TOGARAM2: variants seen among roughly 807,000 people sequenced by gnomAD.
TOGARAM2 encodes the protein TOG array regulator of axonemal microtubules protein 2.
A neutral mutation model predicts 93.3 loss-of-function variants in TOGARAM2; 85 were observed. The ratio of observed to expected loss-of-function variants is 0.91; its 90% confidence interval spans 0.76 to 1.09. The LOEUF (loss-of-function observed/expected upper bound fraction) is 1.09, where lower values mean the gene tolerates loss of function less well. Among genes scored for constraint, TOGARAM2 ranks in the 50% least tolerant of loss-of-function variants. TOGARAM2 has a pLI of 0.00. For missense variants in TOGARAM2, 1,277 were observed against 1,334.5 expected, an observed-to-expected ratio of 0.96 and a Z score of 0.67; for synonymous variants, 593 against 552.8, an observed-to-expected ratio of 1.07 and a Z score of -1.02.
intron 17 of TOGARAM2, 90 bp from the exon 18 acceptor site, chr2:29,036,451 T>G: frequency 7.3e-6 from 9 of 1,236,710 alleles, no homozygotes; most frequent in Non-Finnish European, 1.1e-5. Context: ...GGTCGCTCAG[T>G]TGGGCCAGGT....
At chr2:29,016,047 G>T (rs1351665545) in intron 8 of TOGARAM2, among the ~76,000 whole-genome samples, 1 of 152,094 alleles carries the variant, frequency 6.6e-6, no homozygotes, top group Non-Finnish European at 1.5e-5. Flanking sequence ...CTGCTTAAGT[G>T]CCTAATTATA....
chr2:29,032,941 G>A lies in TOGARAM2; in HGVS notation c.2020G>A (p.Gly674Ser). ...CTCTCTCTCCTGTGGCAGATTTTAT[G>A]GCCGGAAGATGGTGAATATCTTGAT... The part of the protein sequence containing the change: ...QDSNQDTRFY[G>S]RKMVNILMAN... The change falls in exon 15 of 20, where the codon GGC (glycine) becomes AGC (serine). Residue 674 changes from glycine to serine, a missense_variant. Coordinates refer to ENST00000379558, the MANE Select transcript of TOGARAM2 (RefSeq NM_199280.4). 6.2e-7 allele frequency: 1 copy of A among 1,613,364 alleles called. No individual in the cohort carries two copies. The highest frequency in any genetic ancestry group is 8.5e-7 in the Non-Finnish European group (1 of 1,179,622).
chr2:28,994,220 G>T (rs1331695857), intron 1 of TOGARAM2, among the ~76,000 whole-genome samples: 2 of 152,144 alleles, frequency 1.3e-5, no homozygotes, highest in Non-Finnish European at 1.5e-5. Context: ...GTTCAGTCAG[G>T]TGAGAAGGAG....
chr2:29,031,363 C>G (rs1558455914), intron 14 of TOGARAM2, among the ~76,000 whole-genome samples: 1 of 152,226 alleles, frequency 6.6e-6, no homozygotes, highest in Non-Finnish European at 1.5e-5. Flanking sequence ...TCTGCACCTT[C>G]ACAAACTTAG....
At chr2:28,969,059 T>C (rs1671909530) in intron 1 of TOGARAM2, among the ~76,000 whole-genome samples, 2 of 152,096 alleles carry the variant, frequency 1.3e-5, no homozygotes, top group African/African-American at 4.8e-5. Flanking sequence ...TATTTCTCTT[T>C]GGTCTCACCA....
At chr2:29,022,403 C>A in intron 11 of TOGARAM2, 95 bp downstream of exon 11, 1 of 1,517,912 alleles carries the variant, frequency 6.6e-7, no homozygotes, top group Non-Finnish European at 8.9e-7. Flanking sequence ...CTCTCCCACT[C>A]TGGGGTTCCA....
chr2:29,028,412 ATG>A (rs1220404121), intron 14 of TOGARAM2, among the ~76,000 whole-genome samples: 2 of 152,258 alleles, frequency 1.3e-5, no homozygotes, highest in East Asian at 1.9e-4. Context: ...GGTCAGATGC[ATG>A]TGTGTGCTCC....
At chr2:28,967,949 G>T (rs564128137) in intron 1 of TOGARAM2, among the ~76,000 whole-genome samples, 11 of 151,966 alleles carry the variant, frequency 7.2e-5, no homozygotes, top group Non-Finnish European at 1.3e-4. Context: ...CTCCCGGGTA[G>T]CTGGGATTAA....
chr2:29,015,912 G>A (rs968770804), intron 8 of TOGARAM2, among the ~76,000 whole-genome samples: 9 of 152,034 alleles, frequency 5.9e-5, no homozygotes, highest in Non-Finnish European at 1.0e-4. Context: ...ATACTGACCC[G>A]CTAGGTCCTC....
chr2:28,998,105 G>T, intron 2 of TOGARAM2, 38 bp from the exon 3 acceptor site: 2 of 1,418,956 alleles, frequency 1.4e-6, no homozygotes, highest in South Asian at 2.6e-5. Flanking sequence ...GGCCTTGGAG[G>T]ACTCTCAGGT....
At chr2:28,991,636 T>C (rs71444403) in intron 1 of TOGARAM2, among the ~76,000 whole-genome samples, 5,581 of 152,148 alleles carry the variant, frequency 0.037, 153 homozygotes, top group Non-Finnish European at 0.056. Flanking sequence ...GTGGGATGAG[T>C]CTGCCCAGCT....
chr2:29,011,109 G>T (rs1171415150), intron 6 of TOGARAM2, among the ~76,000 whole-genome samples: 1 of 152,194 alleles, frequency 6.6e-6, no homozygotes. Context: ...GTTTACTGCA[G>T]CTGCTGTCAA....
chr2:29,024,175 A>T lies in TOGARAM2; in HGVS notation c.1654A>T (p.Ile552Phe). 6.3e-7 allele frequency: 1 copy of T among 1,597,286 alleles called. No homozygotes were observed. Among genetic ancestry groups the T allele is most frequent in the Non-Finnish European group, 8.5e-7 (1 of 1,171,724 alleles). Residue 552 changes from isoleucine (I) to phenylalanine (F), a missense_variant, in exon 13 of 20, where the codon ATC becomes TTC. By Grantham distance (21) the Ile-to-Phe change is conservative. Coordinates refer to ENST00000379558, the MANE Select transcript of TOGARAM2 (RefSeq NM_199280.4). ...NLRSKVSHLA[I>F]STLGDLFQAL... ...GCGGTCCAAGGTGTCTCACCTGGCC[A>T]TCAGCACCTTGGGAGACCTCTTCCA...
intron 10 of TOGARAM2, among the ~76,000 whole-genome samples, chr2:29,021,718 G>A (rs1347154088): frequency 6.6e-6 from 1 of 152,158 alleles, no homozygotes; most frequent in African/African-American, 2.4e-5. Context: ...GGAAGGAAGA[G>A]GCGCTGACCA....
At chr2:29,020,017 C>T (rs966050905) in intron 10 of TOGARAM2, among the ~76,000 whole-genome samples, 1 of 152,208 alleles carries the variant, frequency 6.6e-6, no homozygotes, top group African/African-American at 2.4e-5. Context: ...CTGGTCACTG[C>T]GAGAGCACAC....
At chr2:28,978,603 G>A (rs1352341111), upstream of TOGARAM2, among the ~76,000 whole-genome samples, 1 of 152,196 alleles carries the variant, frequency 6.6e-6, no homozygotes, top group Non-Finnish European at 1.5e-5. Flanking sequence ...GTTGGTTTCT[G>A]AAATCTTGAG....
intron 18 of TOGARAM2, among the ~76,000 whole-genome samples, chr2:29,040,666 T>TG (rs1437340976): frequency 6.6e-6 from 1 of 152,184 alleles, no homozygotes; most frequent in African/African-American, 2.4e-5. Context: ...CCCTGAATTT[T>TG]GGGGTAAATG....
At chr2:29,029,270 C>CACACACACAT (rs1665601154) in intron 14 of TOGARAM2, among the ~76,000 whole-genome samples, 1 of 151,694 alleles carries the variant, frequency 6.6e-6, no homozygotes, top group African/African-American at 2.4e-5. Flanking sequence ...TGTATACACA[C>CACACACACAT]ACACACACAC....
intron 14 of TOGARAM2, among the ~76,000 whole-genome samples, chr2:29,027,275 A>C (rs1665458685): frequency 6.6e-6 from 1 of 152,018 alleles, no homozygotes; most frequent in Admixed American, 6.5e-5. Context: ...TTTCTACCTC[A>C]CCGCAGCACC....
Sources: gnomAD v4.1 joint callset for allele counts (sites outside exome capture counted in the v4.1 genomes callset) on GRCh38, gnomAD v4.1.1 for gene constraint, MANE v1.5 for transcripts, NCBI Gene and HGNC (gene_info 2026-07-23, HGNC 2026-07-21) for gene names.